Variants in CDH11 observed in about 807,000 individuals in gnomAD.
CDH11 encodes the protein cadherin-11.
In CDH11, 11 loss-of-function variants were observed where a neutral mutation model predicts 67.8. The ratio of observed to expected loss-of-function variants is 0.16; its 90% CI spans 0.10 to 0.27. CDH11 has a LOEUF of 0.27. Ranked by LOEUF, CDH11 falls within the 10% of genes least tolerant of loss-of-function variation. The probability of loss-of-function intolerance (pLI) is 1.00; values close to 1 mark genes in which losing one functional copy is unlikely to be tolerated. For synonymous variants in CDH11, 419 were observed against 400.0 expected (o/e 1.05, Z -0.57); for missense variants, 847 against 1,031.2 (o/e 0.82, Z 2.45).
chr16:64,988,510 G>T (rs139579084), intron 6 of CDH11, among the ~76,000 whole-genome samples, 166 bp from the exon 7 acceptor site: 6 of 152,240 alleles, frequency 3.9e-5, no homozygotes, highest in African/African-American at 1.4e-4. Flanking sequence ...ATCCCACATG[G>T]CCTGCTTGTC....
At chr16:65,105,979 C>G (rs553266121) in intron 1 of CDH11, among the ~76,000 whole-genome samples, 12 of 152,266 alleles carry the variant, frequency 7.9e-5, no homozygotes, top group Non-Finnish European at 1.5e-4. Context: ...CCTTGGAGGA[C>G]AGGTTTGGGG....
At chr16:64,999,004 A>T (rs756913126) in intron 3 of CDH11, 148 bp from the exon 4 acceptor site, 2 of 684,812 alleles carry the variant, frequency 2.9e-6, no homozygotes, top group Non-Finnish European at 4.9e-6. Flanking sequence ...GGAGAAAGGC[A>T]ATCTTAGAGA....
At chr16:64,991,715 A>C in intron 6 of CDH11, 53 bp downstream of exon 6, 4 of 1,366,318 alleles carry the variant, frequency 2.9e-6, no homozygotes, top group Non-Finnish European at 4.2e-6. Context: ...TAGAGGAGGG[A>C]GAGAGCTGGC....
In CDH11 at chr16:65,004,859, T is replaced by C. The variant is rs1180319720; in HGVS notation, c.11A>G (p.Asn4Ser). The change falls in exon 3 of 13, where the codon AAC becomes AGC. Residue 4 changes from asparagine (N) to serine (S), a missense_variant. Coordinates refer to ENST00000268603, the MANE Select transcript of CDH11 (RefSeq NM_001797.4). MKE[N>S]YCLQAALVCL... ...CACCAGGGCGGCTTGTAAACAGTAGTTCTCCTTCATTTTTGGTTACGTGGT... is the reference window on the plus strand; with the variant it reads ...CACCAGGGCGGCTTGTAAACAGTAGCTCTCCTTCATTTTTGGTTACGTGGT... The C allele has an allele frequency of 1.3e-6, 2 of 1,528,736 alleles. No homozygotes were observed. Among genetic ancestry groups the C allele is most frequent in the Admixed American group, 4.2e-5 (2 of 48,160 alleles). The allele number at this position is 1,528,736 out of a possible 1,614,324, so 94.7% of individuals were successfully genotyped here.
chr16:64,955,843 G>A (rs961538386), intron 11 of CDH11, among the ~76,000 whole-genome samples: 1 of 152,032 alleles, frequency 6.6e-6, no homozygotes, highest in Non-Finnish European at 1.5e-5. Context: ...AAACAATAAC[G>A]AAACCCCTTT....
intron 2 of CDH11, among the ~76,000 whole-genome samples, chr16:65,052,541 G>A (rs2074074800): frequency 6.6e-6 from 1 of 152,124 alleles, no homozygotes; most frequent in Non-Finnish European, 1.5e-5. Context: ...TACAGGCAGG[G>A]TGGAGAGGGA....
chr16:65,074,436 A>G (rs1182430503), intron 1 of CDH11, among the ~76,000 whole-genome samples: 5 of 152,318 alleles, frequency 3.3e-5, no homozygotes, highest in African/African-American at 4.8e-5. Context: ...TCTGAACCTC[A>G]GTTTCTCTAC....
intron 11 of CDH11, among the ~76,000 whole-genome samples, chr16:64,956,968 G>C (rs2071530409): frequency 6.6e-6 from 1 of 151,842 alleles, no homozygotes; most frequent in South Asian, 2.1e-4. Flanking sequence ...CCCTGCATTA[G>C]CCAAAAAAAT....
intron 1 of CDH11, among the ~76,000 whole-genome samples, chr16:65,058,339 T>C (rs1366936759): frequency 6.6e-6 from 1 of 152,230 alleles, no homozygotes; most frequent in Non-Finnish European, 1.5e-5. Flanking sequence ...GTTACTGTTG[T>C]ATAAACAAGT....
rs180715892 is a variant in CDH11 at position 64,982,101 on chromosome 16, G to T, written c.1200C>A (p.Thr400=). 6.2e-7 allele frequency: 1 copy of T among 1,614,010 alleles called. No individual in the cohort carries two copies. The highest frequency in any genetic ancestry group is 8.5e-7 in the Non-Finnish European group (1 of 1,179,926). The stretch of plus-strand genomic sequence containing the variant: ...CTTTGGCATGCACTCTCCCAACCAC[G>T]GTGCCAGCAGCTGCATTTTCTTGGA... ...HEVQENAAAG[T]VVGRVHAKDP... Residue 400 remains threonine (T), a synonymous_variant, in exon 8 of 13, where the codon ACC becomes ACA. Transcript: ENST00000268603.
chr16:65,077,525 G>A (rs562289483), intron 1 of CDH11, among the ~76,000 whole-genome samples: 1 of 152,198 alleles, frequency 6.6e-6, no homozygotes. Flanking sequence ...AAATGCAATG[G>A]AAACTGAGAA....
chr16:65,092,231 A>T (rs990528745), intron 1 of CDH11, among the ~76,000 whole-genome samples: 1 of 152,166 alleles, frequency 6.6e-6, no homozygotes, highest in East Asian at 1.9e-4. Context: ...TAGCTCCATT[A>T]TTTAAAAAAT....
intron 2 of CDH11, among the ~76,000 whole-genome samples, chr16:65,012,404 TG>T (rs1468257197): frequency 6.6e-6 from 1 of 152,056 alleles, no homozygotes; most frequent in African/African-American, 2.4e-5. Flanking sequence ...GGAACTTCAA[TG>T]AAAGAAAACA....
In CDH11 at chr16:65,004,859, T is replaced by G. The variant is rs1180319720; in HGVS notation, c.11A>C (p.Asn4Thr). 6.5e-7 allele frequency: 1 copy of G among 1,528,736 alleles called. No homozygotes were observed. Among genetic ancestry groups the G allele is most frequent in the South Asian group, 1.2e-5 (1 of 82,030 alleles). The allele number at this position is 1,528,736 out of a possible 1,614,324, so 94.7% of individuals were successfully genotyped here. Residue 4 changes from asparagine (N) to threonine (T), a missense_variant, in exon 3 of 13, where the codon AAC becomes ACC. This residue lies in a region of CDH11 where 235 missense variants were observed against 352.5 expected (regional missense o/e 0.67). Coordinates refer to ENST00000268603, the MANE Select transcript of CDH11 (RefSeq NM_001797.4). Reference sequence around the variant, plus strand: ...CACCAGGGCGGCTTGTAAACAGTAGTTCTCCTTCATTTTTGGTTACGTGGT... The same window carrying G: ...CACCAGGGCGGCTTGTAAACAGTAGGTCTCCTTCATTTTTGGTTACGTGGT... MKENYCLQAALVCL... is the reference protein window; with the variant it reads MKETYCLQAALVCL...
In CDH11 at chr16:64,945,981, A is replaced by G. The variant is rs2071189294; in HGVS notation, c.*1622T>C. The G allele has an allele frequency of 3.8e-6, 4 of 1,058,554 alleles. No homozygotes were observed. Among genetic ancestry groups the G allele is most frequent in the African/African-American group, 3.3e-5 (2 of 60,702 alleles). The allele number at this position is 1,058,554 out of a possible 1,614,324, so 65.6% of individuals were successfully genotyped here. Reference sequence around the variant, plus strand: ...TTGCTACGTTTTGACCTTTGGCCCAACTGAACAGGTGAAATGCCCTTCACA... The same window carrying G: ...TTGCTACGTTTTGACCTTTGGCCCAGCTGAACAGGTGAAATGCCCTTCACA... On this transcript the variant is annotated 3_prime_UTR_variant, in exon 13 of 13. Coordinates refer to ENST00000268603, the MANE Select transcript of CDH11 (RefSeq NM_001797.4).
chr16:64,957,681 T>C (rs2071556462), intron 11 of CDH11, among the ~76,000 whole-genome samples: 1 of 150,478 alleles, frequency 6.6e-6, no homozygotes. Flanking sequence ...AATAAGCACA[T>C]ACATAAAATT....
In CDH11 at chr16:64,972,049, T is replaced by C. The variant is rs2142427848; in HGVS notation, c.1406A>G (p.Glu469Gly). ...FAAEIHNRHQ[E>G]AKVPVAIRVL... ...CCTAATGGCCACTGGGACTTTGGCT[T>C]CCTGATGCCGATTGTCTGGGAAGAC... Residue 469 changes from glutamate to glycine, a missense_variant, in exon 10 of 13, where the codon GAA becomes GGA. Glu to Gly is a moderately conservative substitution (Grantham distance 98). This residue lies in a region of CDH11 where 612 missense variants were observed against 678.7 expected (regional missense o/e 0.90). Transcript: ENST00000268603. 6.2e-7 allele frequency: 1 copy of C among 1,613,808 alleles called. No individual in the cohort carries two copies. Among genetic ancestry groups the C allele is most frequent in the Admixed American group, 1.7e-5 (1 of 60,006 alleles).
chr16:64,950,665 A>G lies in CDH11; in HGVS notation c.1894+102T>C, dbSNP rs544835941. 8.9e-4 allele frequency: 1,261 copies of G among 1,414,626 alleles called. 3 individuals carry two copies. The highest frequency in any genetic ancestry group is 1.2e-3 in the Non-Finnish European group (1,213 of 1,054,158). The allele number at this position is 1,414,626 out of a possible 1,614,324, so 87.6% of individuals were successfully genotyped here. A position where few individuals can be genotyped will look rare whatever the true frequency, so the allele number is the denominator to read the frequency against. On this transcript the variant is annotated intron_variant, in intron 12 of 12. Coordinates refer to ENST00000268603, the MANE Select transcript of CDH11 (RefSeq NM_001797.4). The stretch of plus-strand genomic sequence containing the variant: ...TTTCTTGAACTGTGTCGACAGTCAT[A>G]ACAGGGTCCTGGTTACCAGCCTGTA...
chr16:65,083,977 T>C (rs919553495), intron 1 of CDH11, among the ~76,000 whole-genome samples: 1 of 152,144 alleles, frequency 6.6e-6, no homozygotes, highest in African/African-American at 2.4e-5. Flanking sequence ...ATTTCCCTTG[T>C]CACGACTGAA....
Sources: gnomAD v4.1 joint callset for allele counts (sites outside exome capture counted in the v4.1 genomes callset) on GRCh38, gnomAD v4.1.1 for gene constraint, gnomAD v4.1.1 regional missense constraint, MANE v1.5 for transcripts, NCBI Gene and HGNC (gene_info 2026-07-23, HGNC 2026-07-21) for gene names.